ADGRD1: variants seen among roughly 807,000 people sequenced by gnomAD.
ADGRD1 encodes G-protein coupled receptor 133.
Under a neutral mutation model 113.4 loss-of-function variants are expected in ADGRD1, and 77 were observed. The observed-to-expected ratio is 0.68, with a 90% CI of 0.57 to 0.82. The LOEUF (loss-of-function observed/expected upper bound fraction) is 0.82, where lower values mean the gene tolerates loss of function less well. Among genes scored for constraint, ADGRD1 ranks in the 40% least tolerant of loss-of-function variants. The pLI is 0.00. For missense variants in ADGRD1, 1,036 were observed against 1,139.1 expected, an observed-to-expected ratio of 0.91 and a Z score of 1.30; for synonymous variants, 474 against 475.0, an observed-to-expected ratio of 1.00 and a Z score of 0.03.
At chr12:131,093,946 G>GCACCCAGCCCTGAGCACCCAGCCT (rs1161470497) in intron 15 of ADGRD1, among the ~76,000 whole-genome samples, 70 of 24,414 alleles carry the variant, frequency 2.9e-3, no homozygotes, top group East Asian at 8.4e-3. Flanking sequence ...CCCAGCCTCA[G>GCACCCAGCCCTGAGCACCCAGCCT]CAGCACCCAG....
chr12:130,954,576 C>T lies in ADGRD1; in HGVS notation c.66+45C>T, dbSNP rs1869285616. On this transcript the variant is annotated intron_variant, in intron 1 of 24. Coordinates refer to ENST00000261654, the MANE Select transcript of ADGRD1 (RefSeq NM_198827.5). This position sits in a 1 kb window ranked among gnomAD's most constrained non-coding sequence, Gnocchi z 4.7. ...AGGATGGCGACAGGCTTGGTTTCTCCGGAGGCTTTCCCTGAGTGTGTCTCA... is the reference window on the plus strand; with the variant it reads ...AGGATGGCGACAGGCTTGGTTTCTCTGGAGGCTTTCCCTGAGTGTGTCTCA... 3 of 1,613,824 alleles carry T rather than the reference C, an allele frequency of 1.9e-6. No individual in the cohort carries two copies. The highest frequency in any genetic ancestry group is 2.2e-5 in the South Asian group (2 of 91,052).
chr12:130,986,593 A>C (rs1017112737), intron 5 of ADGRD1, among the ~76,000 whole-genome samples: 3 of 152,168 alleles, frequency 2.0e-5, no homozygotes, highest in Admixed American at 6.5e-5. Flanking sequence ...CTGTGAATAA[A>C]TATAGTTTTA....
intron 20 of ADGRD1, among the ~76,000 whole-genome samples, chr12:131,123,951 T>C (rs965496570): frequency 3.9e-5 from 6 of 152,230 alleles, no homozygotes; most frequent in African/African-American, 1.4e-4. Context: ...ATTTGCACAT[T>C]GTCTGTGGCT....
chr12:131,101,108 C>A (rs1203375599), intron 15 of ADGRD1, among the ~76,000 whole-genome samples: 1 of 152,092 alleles, frequency 6.6e-6, no homozygotes, highest in East Asian at 1.9e-4. Context: ...GAGACGATGC[C>A]CCATGAAATG....
chr12:131,103,899 T>TG (rs1226595245), intron 15 of ADGRD1, among the ~76,000 whole-genome samples: 2 of 152,162 alleles, frequency 1.3e-5, no homozygotes, highest in Non-Finnish European at 2.9e-5. Context: ...CGTGAGCAGC[T>TG]GGGAGGCTGC....
intron 13 of ADGRD1, among the ~76,000 whole-genome samples, chr12:131,071,280 T>G (rs1368124520): frequency 1.0e-5 from 1 of 97,868 alleles, no homozygotes; most frequent in African/African-American, 4.1e-5. Flanking sequence ...TGGGGCTAAG[T>G]GAAAGGAGGT....
chr12:131,030,471 C>G (rs1364507851), intron 13 of ADGRD1: 1 of 152,678 alleles, frequency 6.5e-6, no homozygotes, highest in African/African-American at 2.4e-5. Flanking sequence ...CAGGCCCTTC[C>G]TCCTGAGGGC....
At chr12:131,017,715 C>T (rs1242085555) in intron 13 of ADGRD1, among the ~76,000 whole-genome samples, 4 of 151,590 alleles carry the variant, frequency 2.6e-5, no homozygotes, top group Non-Finnish European at 5.9e-5. Flanking sequence ...AGTGCTCACA[C>T]ACCCAGTACA....
chr12:131,106,950 G>A (rs1248672389), intron 17 of ADGRD1, among the ~76,000 whole-genome samples: 1 of 152,210 alleles, frequency 6.6e-6, no homozygotes, highest in Non-Finnish European at 1.5e-5. Flanking sequence ...AGCTCAGAAT[G>A]CTGTATTTCT....
In ADGRD1 at chr12:130,971,870, C is replaced by T. The variant is rs12422587; in HGVS notation, c.310+290C>T. Among the ~76,000 whole-genome samples, 11 of 152,078 alleles carry T rather than the reference C, an allele frequency of 7.2e-5. No homozygotes were observed. Among genetic ancestry groups the T allele is most frequent in the Admixed American group, 4.6e-4 (7 of 15,264 alleles). On this transcript the variant is annotated intron_variant, in intron 4 of 24. Coordinates refer to ENST00000261654, the MANE Select transcript of ADGRD1 (RefSeq NM_198827.5). The surrounding 1 kb of genome is among the most constrained non-coding windows in gnomAD (Gnocchi z 4.2). ...AAACCTTCCTAAAAAACAGACACAGCGATGTCACAGTGGGGACTGGACAGG... is the reference window on the plus strand; with the variant it reads ...AAACCTTCCTAAAAAACAGACACAGTGATGTCACAGTGGGGACTGGACAGG...
At position 130,966,211 on chromosome 12, in the gene ADGRD1, A is replaced by G. The variant is rs1172178102; in HGVS notation, c.104-252A>G. On this transcript the variant is annotated intron_variant, in intron 2 of 24. Coordinates refer to ENST00000261654, the MANE Select transcript of ADGRD1 (RefSeq NM_198827.5). This position sits in a 1 kb window ranked among gnomAD's most constrained non-coding sequence, Gnocchi z 4.6. ...AGTAAATGCAGTGGCTTCTGTTTTC[A>G]TGCAACAAGAGGCATCTATTCCTAT... is the stretch of plus-strand genomic sequence containing the variant. Among the ~76,000 whole-genome samples the G allele has an allele frequency of 6.6e-6, 1 of 152,226 alleles. No homozygotes were observed. The highest frequency in any genetic ancestry group is 1.5e-5 in the Non-Finnish European group (1 of 68,038).
chr12:131,013,260 T>C (rs1208681233), intron 12 of ADGRD1, among the ~76,000 whole-genome samples: 1 of 152,120 alleles, frequency 6.6e-6, no homozygotes, highest in Non-Finnish European at 1.5e-5. Flanking sequence ...AGGGGGAGTT[T>C]ATTGGATCAC....
chr12:131,079,086 A>C (rs116971938), intron 14 of ADGRD1, among the ~76,000 whole-genome samples: 3,042 of 152,306 alleles, frequency 0.02, 35 homozygotes, highest in Non-Finnish European at 0.029. Flanking sequence ...CAGAGTGTGC[A>C]TAGATGGAAT....
Position 131,057,435 on chromosome 12 carries a change from C to T in ADGRD1, c.1474-19366C>T, listed in dbSNP as rs55968285. On this transcript the variant is annotated intron_variant, in intron 13 of 24. Transcript: ENST00000261654. This position sits in a 1 kb window ranked among gnomAD's most constrained non-coding sequence, Gnocchi z 4.2. ...GTGACAAATGGCTAGTGGCTTTAAACAGCAGAAAGCCGTTCTCCTGCAGCT... is the reference window on the plus strand; with the variant it reads ...GTGACAAATGGCTAGTGGCTTTAAATAGCAGAAAGCCGTTCTCCTGCAGCT... Among the ~76,000 whole-genome samples the T allele has an allele frequency of 0.09, 13,714 of 152,226 alleles. 858 individuals carry two copies. Among genetic ancestry groups the T allele is most frequent in the Non-Finnish European group, 0.13 (9,064 of 67,988 alleles).
chr12:131,100,420 GT>G (rs1950042701), intron 15 of ADGRD1, among the ~76,000 whole-genome samples: 1 of 151,992 alleles, frequency 6.6e-6, no homozygotes, highest in African/African-American at 2.4e-5. Flanking sequence ...GGTAAGGTCA[GT>G]TGATGGTGGA....
rs1257566727 is a variant in ADGRD1 at position 131,004,246 on chromosome 12, C to G, written c.1205C>G (p.Ala402Gly). The G allele has an allele frequency of 6.2e-7, 1 of 1,614,040 alleles. No individual in the cohort carries two copies. Among genetic ancestry groups the G allele is most frequent in the Non-Finnish European group, 8.5e-7 (1 of 1,179,988 alleles). ...TVNSSHYRFP[A>G]HGQSFIQIPH... ...AATTCCTCCCATTACCGCTTCCCGG[C>G]CCACGGGCAGAGCTTCATCCAGATC... The change falls in exon 11 of 25, where the codon GCC becomes GGC. Residue 402 changes from alanine (A) to glycine (G), a missense_variant. By Grantham distance (60) the Ala-to-Gly change is moderately conservative (BLOSUM62 0). Transcript: ENST00000261654.
rs549873126 is a variant in ADGRD1, at chr12:131,136,143, G to T, written c.2374G>T (p.Ala792Ser). 1 of 1,614,164 alleles carries T rather than the reference G, an allele frequency of 6.2e-7. No homozygotes were observed. The highest frequency in any genetic ancestry group is 1.7e-5 in the Admixed American group (1 of 60,026). ...GCAVVFQYMF[A>S]TLNSLQGLFI... Reference sequence around the variant, plus strand: ...TGCTGTGGTTTTCCAGTACATGTTTGCCACGCTCAACTCCCTGCAGGTGAG... The same window carrying T: ...TGCTGTGGTTTTCCAGTACATGTTTTCCACGCTCAACTCCCTGCAGGTGAG... Residue 792 changes from alanine to serine, a missense_variant, in exon 22 of 25, where the codon GCC becomes TCC. Ala to Ser is a moderately conservative substitution (Grantham distance 99). Coordinates refer to ENST00000261654, the MANE Select transcript of ADGRD1 (RefSeq NM_198827.5).
intron 13 of ADGRD1, among the ~76,000 whole-genome samples, chr12:131,052,913 T>G (rs986059474): frequency 6.6e-6 from 1 of 152,122 alleles, no homozygotes; most frequent in Non-Finnish European, 1.5e-5. Flanking sequence ...CATCTCTGCT[T>G]GTGGAGAACA....
intron 2 of ADGRD1, among the ~76,000 whole-genome samples, chr12:130,955,536 A>G (rs1272909096): frequency 6.6e-6 from 1 of 152,174 alleles, no homozygotes; most frequent in African/African-American, 2.4e-5. Context: ...CGTTCTGGTC[A>G]GCCAGGGGCA....
Sources: allele counts gnomAD v4.1 joint callset (sites outside exome capture counted in the v4.1 genomes callset), GRCh38; gene constraint gnomAD v4.1.1; non-coding constraint Gnocchi (gnomAD v3.1); transcripts MANE v1.5; gene names NCBI Gene and HGNC (gene_info 2026-07-23, HGNC 2026-07-21).